Variants in AXIN1 observed in about 807,000 individuals in gnomAD.
The protein encoded by AXIN1 is axin 1, also known as axin-1.
AXIN1 carries 30 observed loss-of-function variants against 76.4 expected under a neutral mutation model. The ratio of observed to expected loss-of-function variants is 0.39; its 90% confidence interval spans 0.29 to 0.53. The LOEUF (loss-of-function observed/expected upper bound fraction) is 0.53, where lower values mean the gene tolerates loss of function less well. Among genes scored for constraint, AXIN1 ranks in the 20% least tolerant of loss-of-function variants. The pLI is 0.66. For missense variants in AXIN1, 1,140 were observed against 1,198.8 expected (o/e 0.95, Z 0.72); for synonymous variants, 545 against 501.4 (o/e 1.09, Z -1.16).
chr16:298,943 A>G (rs2052793454), intron 5 of AXIN1: 1 of 384,596 alleles, frequency 2.6e-6, no homozygotes, highest in Admixed American at 6.5e-5. Flanking sequence ...TAATTTTTGT[A>G]TTTTTAGTAG....
chr16:320,735 A>T (rs1458697791), intron 2 of AXIN1, among the ~76,000 whole-genome samples: 28 of 76,184 alleles, frequency 3.7e-4, no homozygotes, highest in African/African-American at 9.7e-4. Context: ...ATATATATAT[A>T]TATATATATT....
chr16:298,324 C>CCTGA, intron 5 of AXIN1, 73 bp from the exon 6 acceptor site: 1 of 1,532,478 alleles, frequency 6.5e-7, no homozygotes, highest in South Asian at 1.2e-5. Context: ...AAGCATCAGG[C>CCTGA]CTGACCCAGC....
chr16:326,284 G>A (rs2053577009), intron 2 of AXIN1, among the ~76,000 whole-genome samples: 1 of 146,516 alleles, frequency 6.8e-6, no homozygotes, highest in Non-Finnish European at 1.5e-5. Flanking sequence ...AACTGGGGAG[G>A]CAGAGGTTGC....
chr16:300,470 G>C (rs1467535928), intron 5 of AXIN1, among the ~76,000 whole-genome samples: 1 of 152,030 alleles, frequency 6.6e-6, no homozygotes, highest in African/African-American at 2.4e-5. Flanking sequence ...AAAGTGTTGG[G>C]ATTACAGATG....
Position 288,010 on chromosome 16 carries a change from T to TA in AXIN1, c.*111dup. On this transcript the variant is annotated 3_prime_UTR_variant, in exon 11 of 11. Coordinates refer to ENST00000262320, the MANE Select transcript of AXIN1 (RefSeq NM_003502.4). ...ACGGGTAGACCACAGGGATGGGTGG[T>TA]ACACCCAACACTGTTCCCCATCGGG... The TA allele has an allele frequency of 3.2e-6, 5 of 1,548,692 alleles. No individual in the cohort carries two copies.
intron 2 of AXIN1, among the ~76,000 whole-genome samples, chr16:325,616 G>T (rs534370517): frequency 8.5e-5 from 13 of 152,358 alleles, no homozygotes; most frequent in African/African-American, 2.9e-4. Flanking sequence ...TGCCCGCAGG[G>T]GCCGACTGCC....
chr16:349,226 C>T (rs558778005), intron 1 of AXIN1, among the ~76,000 whole-genome samples: 68 of 152,320 alleles, frequency 4.5e-4, no homozygotes, highest in African/African-American at 1.6e-3. Context: ...TTTTTGTGAA[C>T]GCTGCTGGGT....
chr16:313,693 C>T (rs1405189009), intron 3 of AXIN1, among the ~76,000 whole-genome samples: 1 of 152,210 alleles, frequency 6.6e-6, no homozygotes, highest in Admixed American at 6.5e-5. Flanking sequence ...TAACCAAAAC[C>T]CCAAATGACC....
At chr16:350,025 A>G (rs2141719518) in intron 1 of AXIN1, among the ~76,000 whole-genome samples, 1 of 152,290 alleles carries the variant, frequency 6.6e-6, no homozygotes, top group South Asian at 2.1e-4. Context: ...CTGAGCTCAA[A>G]GCAATCCACC....
chr16:310,803 T>C (rs1462870253), intron 3 of AXIN1, among the ~76,000 whole-genome samples: 4 of 152,254 alleles, frequency 2.6e-5, no homozygotes, highest in African/African-American at 9.6e-5. Context: ...CGGGAAACGT[T>C]TGCTGGCCCC....
At position 306,732 on chromosome 16, in the gene AXIN1, G is replaced by A. The variant is rs929221845; in HGVS notation, c.1117-2291C>T. Among the ~76,000 whole-genome samples the A allele has an allele frequency of 7.9e-5, 12 of 152,240 alleles. No individual in the cohort carries two copies. In the East Asian group the frequency reaches 1.9e-3, roughly 24 times the overall value. The stretch of plus-strand genomic sequence containing the variant: ...TGGAGTATGAAGGGGCCAAGGGCAC[G>A]CCCAGGACACTGGGTGATGCCTCAG... On this transcript the variant is annotated intron_variant, in intron 4 of 10. Coordinates refer to ENST00000262320, the MANE Select transcript of AXIN1 (RefSeq NM_003502.4).
intron 2 of AXIN1, among the ~76,000 whole-genome samples, chr16:329,673 G>C (rs1400055465): frequency 6.6e-6 from 1 of 151,964 alleles, no homozygotes; most frequent in African/African-American, 2.4e-5. Flanking sequence ...TAGAGTGCTG[G>C]AGTGCAGTGG....
chr16:342,863 C>T (rs1242672754), intron 2 of AXIN1, among the ~76,000 whole-genome samples: 3 of 152,386 alleles, frequency 2.0e-5, no homozygotes, highest in African/African-American at 7.2e-5. Flanking sequence ...TAAGGCACAC[C>T]TGAGGCTCTG....
chr16:341,904 A>G (rs868687608), intron 2 of AXIN1, among the ~76,000 whole-genome samples: 7 of 152,140 alleles, frequency 4.6e-5, no homozygotes, highest in African/African-American at 1.7e-4. Flanking sequence ...TTGTGTGGAC[A>G]CTCTGTATCT....
chr16:314,533 C>A lies in AXIN1; in HGVS notation c.1019+10G>T, dbSNP rs745965051. The A allele has an allele frequency of 1.2e-6, 2 of 1,613,230 alleles. No homozygotes were observed. The highest frequency in any genetic ancestry group is 1.7e-6 in the Non-Finnish European group (2 of 1,179,772). On this transcript the variant is annotated intron_variant, in intron 3 of 10. Transcript: ENST00000262320. The stretch of plus-strand genomic sequence containing the variant: ...TCCGTGAGGGACTGGGTATCCGGGG[C>A]GGGACTTACACGCTGCTGTCCGTGA...
At chr16:317,184 A>G (rs1349115863) in intron 2 of AXIN1, among the ~76,000 whole-genome samples, 1 of 152,174 alleles carries the variant, frequency 6.6e-6, no homozygotes, top group Non-Finnish European at 1.5e-5. Context: ...GGGGGCAGGC[A>G]GCCCAGCACC....
At position 346,246 on chromosome 16, in the gene AXIN1, G is replaced by A. The variant is rs764665350; in HGVS notation, c.780C>T (p.Asp260=). The A allele has an allele frequency of 1.8e-5, 29 of 1,613,954 alleles. 1 individual carries two copies. Among genetic ancestry groups the A allele is most frequent in the African/African-American group, 8.0e-5 (6 of 74,898 alleles). The change falls in exon 2 of 11, where the codon GAC becomes GAT. Residue 260 remains aspartate (D), a synonymous_variant. Coordinates refer to ENST00000262320, the MANE Select transcript of AXIN1 (RefSeq NM_003502.4). The part of the protein sequence containing the change: ...DQDMDEDDGR[D]AAPPGRLPQK... ...GAGGGAGTCTTCCGGGGGGAGCAGC[G>A]TCTCTGCCATCGTCCTCATCCATGT...
rs2141572526 is a variant in AXIN1 at position 309,972 on chromosome 16, C to A, written c.1116+1G>T. On this transcript the variant is annotated splice_donor_variant, in intron 4 of 10. Coordinates refer to ENST00000262320, the MANE Select transcript of AXIN1 (RefSeq NM_003502.4). LOFTEE classifies it high-confidence loss of function. ...CTGAGGACCGCAAAGCCGGTACTTA[C>A]GGGAATGTGAGGTAGGGGCACCCGC... The A allele has an allele frequency of 6.2e-7, 1 of 1,613,128 alleles. No homozygotes were observed. The highest frequency in any genetic ancestry group is 8.5e-7 in the Non-Finnish European group (1 of 1,179,790).
intron 4 of AXIN1, among the ~76,000 whole-genome samples, chr16:305,065 G>A (rs1270979891): frequency 6.6e-6 from 1 of 152,196 alleles, no homozygotes; most frequent in African/African-American, 2.4e-5. Context: ...AGCACTCGAG[G>A]AGACGCCTGC....
Sources: gnomAD v4.1 joint callset for allele counts (sites outside exome capture counted in the v4.1 genomes callset) on GRCh38, gnomAD v4.1.1 for gene constraint, MANE v1.5 for transcripts, NCBI Gene and HGNC (gene_info 2026-07-23, HGNC 2026-07-21) for gene names.